The following FCER1A variants were observed in gnomAD, a reference collection of about 807,000 sequenced individuals.
FCER1A encodes the protein high affinity immunoglobulin epsilon receptor subunit alpha.
Under a neutral mutation model 23.6 loss-of-function variants are expected in FCER1A, and 24 were observed. That is an observed-to-expected ratio of 1.02 (90% CI 0.74 to 1.43). The LOEUF is 1.43. FCER1A is among the 40% of genes most tolerant of loss of function. The pLI, the probability that FCER1A is intolerant of heterozygous loss-of-function variation, is 0.00. For missense variants in FCER1A, 318 were observed against 294.5 expected, an observed-to-expected ratio of 1.08 and a Z score of -0.58; for synonymous variants, 121 against 108.8, an observed-to-expected ratio of 1.11 and a Z score of -0.70.
At chr1:159,286,893 A>C (rs1468917129), upstream of FCER1A, among the ~76,000 whole-genome samples, 1 of 152,190 alleles carries the variant, frequency 6.6e-6, no homozygotes, top group East Asian at 1.9e-4. Context: ...TAATTAGCAG[A>C]TATATGAGAT....
At chr1:159,299,458 T>A (rs895888956), upstream of FCER1A, among the ~76,000 whole-genome samples, 124 of 152,300 alleles carry the variant, frequency 8.1e-4, no homozygotes, top group African/African-American at 2.9e-3. Context: ...TCACGCTGGA[T>A]CCAGTTGCAG....
chr1:159,288,064 G>A (rs2102212523), upstream of FCER1A, among the ~76,000 whole-genome samples: 1 of 152,224 alleles, frequency 6.6e-6, no homozygotes, highest in Non-Finnish European at 1.5e-5. Flanking sequence ...GCTATGATAA[G>A]GTAAGAATGG....
upstream of FCER1A, among the ~76,000 whole-genome samples, chr1:159,286,423 C>T (rs1652018876): frequency 6.6e-6 from 1 of 151,682 alleles, no homozygotes; most frequent in South Asian, 2.1e-4. Flanking sequence ...AGCTCCGCCT[C>T]CCGGGTTCAT....
chr1:159,303,858 T>C lies in FCER1A; in HGVS notation c.77-70T>C, dbSNP rs181190974. 140 of 1,241,942 alleles carry C rather than the reference T, an allele frequency of 1.1e-4. No homozygotes were observed. The East Asian group carries it at 3.2e-3, about 29-fold the overall frequency. The allele number at this position is 1,241,942 out of a possible 1,614,324, so 76.9% of individuals were successfully genotyped here. A position where few individuals can be genotyped will look rare whatever the true frequency, so the allele number is the denominator to read the frequency against. On this transcript the variant is annotated intron_variant, in intron 2 of 4. Coordinates refer to ENST00000693622, the MANE Select transcript of FCER1A (RefSeq NM_001387280.1). ...TCAGAATATTGCTTCGTTTGTACTT[T>C]TAAGCCTAGACAGTTTTCAATGACT...
chr1:159,305,953 A>G (rs748952336), intron 3 of FCER1A, 35 bp from the exon 4 acceptor site: 4 of 1,590,712 alleles, frequency 2.5e-6, no homozygotes, highest in African/African-American at 2.7e-5. Flanking sequence ...CTCTTCATTT[A>G]TTGTTAAATA....
At chr1:159,305,919 C>G in intron 3 of FCER1A, 69 bp from the exon 4 acceptor site, 1 of 1,402,440 alleles carries the variant, frequency 7.1e-7, no homozygotes, top group African/African-American at 1.4e-5. Flanking sequence ...ATGCGTGGCT[C>G]TCTTTTCTCT....
chr1:159,305,042 G>A (rs1652556648), intron 3 of FCER1A, among the ~76,000 whole-genome samples: 1 of 152,266 alleles, frequency 6.6e-6, no homozygotes, highest in African/African-American at 2.4e-5. Flanking sequence ...GGCTTAATTA[G>A]CAAATGTTGA....
intron 1 of FCER1A, among the ~76,000 whole-genome samples, chr1:159,296,918 G>A (rs940665626): frequency 5.9e-5 from 9 of 152,120 alleles, no homozygotes; most frequent in Non-Finnish European, 8.8e-5. Flanking sequence ...CCTCTTTCAC[G>A]CACTAGAAAC....
chr1:159,294,339 A>G lies in FCER1A; in HGVS notation c.-60+4586A>G, dbSNP rs112599202. The stretch of plus-strand genomic sequence containing the variant: ...CTTCTCTTAATTTCTACAATTCTCC[A>G]AAGTCTTTCTTTTTATGGGGACTTT... On this transcript the variant is annotated intron_variant, in intron 1 of 5. Transcript: ENST00000368115. Among the ~76,000 whole-genome samples the G allele has an allele frequency of 6.7e-3, 1,022 of 152,302 alleles. 10 individuals are homozygous for G. The highest frequency in any genetic ancestry group is 0.016 in the Admixed American group (244 of 15,282).
upstream of FCER1A, among the ~76,000 whole-genome samples, chr1:159,285,521 A>G (rs755723249): frequency 8.6e-5 from 13 of 151,750 alleles, no homozygotes; most frequent in Non-Finnish European, 1.8e-4. Flanking sequence ...ACTATGGACT[A>G]TATTAAACTA....
intron 3 of FCER1A, among the ~76,000 whole-genome samples, chr1:159,304,530 C>G (rs1171241776): frequency 1.3e-5 from 2 of 152,090 alleles, no homozygotes; most frequent in Admixed American, 1.3e-4. Context: ...TGGTGTGAAC[C>G]CAGGAGGTGG....
chr1:159,302,160 G>GA (rs1269745487), upstream of FCER1A: 2 of 585,158 alleles, frequency 3.4e-6, no homozygotes, highest in African/African-American at 3.7e-5. Flanking sequence ...GTGGGATAGG[G>GA]AGTGGAGTAA....
chr1:159,307,224 A>C (rs1404363795), intron 4 of FCER1A, among the ~76,000 whole-genome samples: 1 of 152,180 alleles, frequency 6.6e-6, no homozygotes, highest in Non-Finnish European at 1.5e-5. Flanking sequence ...TCTGGATGTA[A>C]TATTCTGAGG....
the FCER1A span, among the ~76,000 whole-genome samples, chr1:159,284,524 A>T: frequency 2.6e-5 from 4 of 152,250 alleles, no homozygotes; most frequent in African/African-American, 9.6e-5. Flanking sequence ...AGAATTTTTA[A>T]ATTCTGAGTT....
At chr1:159,287,266 G>A (rs886077162), upstream of FCER1A, among the ~76,000 whole-genome samples, 8 of 152,128 alleles carry the variant, frequency 5.3e-5, no homozygotes, top group Non-Finnish European at 1.0e-4. Context: ...GACTAAGGTG[G>A]CACAAAGAAT....
chr1:159,306,030 G>A lies in FCER1A; in HGVS notation c.374G>A (p.Gly125Asp). ...GCCTCTGCTGAGGTGGTGATGGAGG[G>A]CCAGCCCCTCTTCCTCAGGTGCCAT... ...LQASAEVVME[G>D]QPLFLRCHGW... The change falls in exon 4 of 5, where the codon GGC becomes GAC. Residue 125 changes from glycine to aspartate, a missense_variant. Transcript: ENST00000693622. The A allele has an allele frequency of 6.2e-7, 1 of 1,613,894 alleles. No homozygotes were observed. The highest frequency in any genetic ancestry group is 1.1e-5 in the South Asian group (1 of 91,020).
At chr1:159,302,760 A>G (rs1203727750) in intron 1 of FCER1A, 94 bp from the exon 2 acceptor site, 7 of 1,138,972 alleles carry the variant, frequency 6.1e-6, no homozygotes, top group Admixed American at 1.8e-5. Flanking sequence ...TTAAAATTCC[A>G]TGGATGTAGA....
chr1:159,299,776 TA>T (rs1471861260), upstream of FCER1A, among the ~76,000 whole-genome samples: 1 of 152,014 alleles, frequency 6.6e-6, no homozygotes, highest in East Asian at 1.9e-4. Flanking sequence ...CTTTTTTTTT[TA>T]TATATAAGAT....
intron 1 of FCER1A, among the ~76,000 whole-genome samples, chr1:159,292,353 C>G (rs142399644): frequency 4.4e-4 from 67 of 152,212 alleles, no homozygotes; most frequent in Non-Finnish European, 6.9e-4. Flanking sequence ...AATTCTAGTA[C>G]TTCCCTTAAA....
Sources: gnomAD v4.1 joint callset for allele counts (sites outside exome capture counted in the v4.1 genomes callset) on GRCh38, gnomAD v4.1.1 for gene constraint, MANE v1.5 for transcripts, NCBI Gene and HGNC (gene_info 2026-07-23, HGNC 2026-07-21) for gene names.